The following BTBD9 variants were observed in gnomAD, a reference collection of about 807,000 sequenced individuals.
BTBD9 encodes the protein BTB domain containing 9.
Under a neutral mutation model 64.3 loss-of-function variants are expected in BTBD9, and 49 were observed. That is an observed-to-expected ratio of 0.76 (90% CI 0.61 to 0.97). The LOEUF is 0.97. Ranked by LOEUF, BTBD9 falls within the 50% of genes least tolerant of loss-of-function variation. The probability of loss-of-function intolerance (pLI) is 0.00; values close to 1 mark genes in which losing one functional copy is unlikely to be tolerated. For missense variants in BTBD9, 598 were observed against 762.1 expected (o/e 0.78, Z 2.53); for synonymous variants, 260 against 274.7 (o/e 0.95, Z 0.53).
chr6:38,584,361 GTAGA>G (rs1167479686), intron 4 of BTBD9, among the ~76,000 whole-genome samples: 1 of 152,072 alleles, frequency 6.6e-6, no homozygotes, highest in Non-Finnish European at 1.5e-5. Flanking sequence ...AAACAAGATA[GTAGA>G]TAATCATAAT....
At chr6:38,276,000 A>G (rs1761225337) in intron 8 of BTBD9, among the ~76,000 whole-genome samples, 1 of 152,222 alleles carries the variant, frequency 6.6e-6, no homozygotes, top group African/African-American at 2.4e-5. Flanking sequence ...ATTACTGGGT[A>G]TATACCCAAA....
chr6:38,352,303 G>T (rs1043749873), intron 6 of BTBD9, among the ~76,000 whole-genome samples: 1 of 151,896 alleles, frequency 6.6e-6, no homozygotes, highest in Non-Finnish European at 1.5e-5. Context: ...ATTAAGCCCA[G>T]GAAGTTGAGG....
intron 7 of BTBD9, among the ~76,000 whole-genome samples, chr6:38,325,501 T>C (rs980402806): frequency 3.3e-5 from 5 of 152,012 alleles, no homozygotes; most frequent in African/African-American, 1.2e-4. Flanking sequence ...CTGGCTAACA[T>C]GGTGAAACCC....
chr6:38,208,928 T>A (rs546700310), intron 9 of BTBD9, among the ~76,000 whole-genome samples: 1 of 152,230 alleles, frequency 6.6e-6, no homozygotes, highest in South Asian at 2.1e-4. Context: ...AGTGATTGTT[T>A]TGGCCACACG....
chr6:38,410,467 T>C lies in BTBD9; in HGVS notation c.1155-65374A>G, dbSNP rs141319479. 7.2e-5 allele frequency among the ~76,000 whole-genome samples: 11 copies of C among 152,100 alleles called. No individual in the cohort carries two copies. In the East Asian group the frequency reaches 2.1e-3, roughly 30 times the overall value. On this transcript the variant is annotated intron_variant, in intron 6 of 10. Coordinates refer to ENST00000481247, the MANE Select transcript of BTBD9 (RefSeq NM_001099272.2). ...AAGCTTGGGTAACCAAGTGAGACCTTATCTCAAAACAAACAAACAAAAAAA... is the reference window on the plus strand; with the variant it reads ...AAGCTTGGGTAACCAAGTGAGACCTCATCTCAAAACAAACAAACAAAAAAA...
chr6:38,613,003 T>C (rs184210674), intron 1 of BTBD9: 4 of 152,334 alleles, frequency 2.6e-5, no homozygotes, highest in East Asian at 3.9e-4. Context: ...TACCGAGCAC[T>C]TGAAATACAG....
intron 9 of BTBD9, among the ~76,000 whole-genome samples, chr6:38,223,950 C>T (rs1744161930): frequency 6.6e-6 from 1 of 152,140 alleles, no homozygotes; most frequent in Admixed American, 6.6e-5. Flanking sequence ...CAGTGGCTCA[C>T]ATCTGTAATC....
At chr6:38,334,359 C>G (rs771579182) in intron 7 of BTBD9, among the ~76,000 whole-genome samples, 1 of 152,066 alleles carries the variant, frequency 6.6e-6, no homozygotes, top group Non-Finnish European at 1.5e-5. Context: ...GTCAGAAGTT[C>G]GAGACAGGCC....
intron 6 of BTBD9, among the ~76,000 whole-genome samples, chr6:38,362,585 T>C (rs544941073): frequency 7.2e-5 from 11 of 152,352 alleles, no homozygotes; most frequent in African/African-American, 2.6e-4. Flanking sequence ...TTCCCAGTGG[T>C]ATAGAGTATG....
intron 6 of BTBD9, among the ~76,000 whole-genome samples, chr6:38,507,726 T>G (rs1164798858): frequency 6.6e-6 from 1 of 152,188 alleles, no homozygotes. Context: ...ACGTTAGTGC[T>G]TCTAAGGATT....
chr6:38,401,046 T>C (rs1766905482), intron 6 of BTBD9, among the ~76,000 whole-genome samples: 1 of 152,216 alleles, frequency 6.6e-6, no homozygotes, highest in South Asian at 2.1e-4. Flanking sequence ...TGTTCTTTCC[T>C]TCCATAATAT....
intron 6 of BTBD9, among the ~76,000 whole-genome samples, chr6:38,362,617 GTACA>G (rs1161333311): frequency 6.6e-6 from 1 of 152,164 alleles, no homozygotes; most frequent in African/African-American, 2.4e-5. Flanking sequence ...TTAAGGCTTG[GTACA>G]TATAAATCTC....
chr6:38,299,257 T>C (rs1762289017), intron 7 of BTBD9, among the ~76,000 whole-genome samples: 1 of 152,230 alleles, frequency 6.6e-6, no homozygotes, highest in Non-Finnish European at 1.5e-5. Context: ...AGTCTATCAT[T>C]GTTGGACATT....
chr6:38,471,912 G>A (rs1770667276), intron 6 of BTBD9, among the ~76,000 whole-genome samples: 1 of 152,164 alleles, frequency 6.6e-6, no homozygotes, highest in African/African-American at 2.4e-5. Flanking sequence ...AAGCAATAAT[G>A]ATTGCCTCTT....
At chr6:38,209,134 C>A (rs1199471462) in intron 9 of BTBD9, among the ~76,000 whole-genome samples, 1 of 152,194 alleles carries the variant, frequency 6.6e-6, no homozygotes. Context: ...CTCTTCCCTG[C>A]CTGACAACAG....
At chr6:38,249,238 G>A (rs548381349) in intron 9 of BTBD9, among the ~76,000 whole-genome samples, 2 of 151,920 alleles carry the variant, frequency 1.3e-5, no homozygotes, top group African/African-American at 4.8e-5. Context: ...CTCTGCAATC[G>A]CCATGAGTGA....
At chr6:38,496,914 T>C (rs139118826) in intron 6 of BTBD9, among the ~76,000 whole-genome samples, 76 of 152,330 alleles carry the variant, frequency 5.0e-4, no homozygotes, top group Non-Finnish European at 7.5e-4. Flanking sequence ...TTAAGAGAGC[T>C]GGTGGCAGAC....
chr6:38,548,425 G>C (rs547458239), intron 6 of BTBD9, among the ~76,000 whole-genome samples: 14 of 151,940 alleles, frequency 9.2e-5, no homozygotes, highest in Admixed American at 7.9e-4. Context: ...TTCTCTTTTC[G>C]GGCTAGAGTT....
chr6:38,579,892 G>A (rs1776212269), intron 5 of BTBD9, among the ~76,000 whole-genome samples: 2 of 151,958 alleles, frequency 1.3e-5, no homozygotes. Flanking sequence ...ATGTGTCCAT[G>A]CATAATTGAA....
Sources: gnomAD v4.1 joint callset for allele counts (sites outside exome capture counted in the v4.1 genomes callset) on GRCh38, gnomAD v4.1.1 for gene constraint, MANE v1.5 for transcripts, NCBI Gene and HGNC (gene_info 2026-07-23, HGNC 2026-07-21) for gene names.